Variants in FEZ2 observed in about 807,000 individuals in gnomAD.
The protein encoded by FEZ2 is fasciculation and elongation protein zeta-2.
FEZ2 carries 51 observed loss-of-function variants against 40.4 expected under a neutral mutation model. The observed-to-expected ratio is 1.26, with a 90% CI of 1.01 to 1.59. The LOEUF is 1.59. Ranked by LOEUF, FEZ2 falls within the 40% of genes most tolerant of loss-of-function variation. FEZ2 has a pLI of 0.00. For missense variants in FEZ2, 640 were observed against 438.3 expected, an observed-to-expected ratio of 1.46 and a Z score of -4.11; for synonymous variants, 242 against 172.0, an observed-to-expected ratio of 1.41 and a Z score of -3.18.
intron 3 of FEZ2, among the ~76,000 whole-genome samples, chr2:36,582,483 G>C (rs776781352): frequency 1.3e-5 from 2 of 152,126 alleles, no homozygotes; most frequent in African/African-American, 2.4e-5. Flanking sequence ...TACGGTATTA[G>C]GCAGGTCAGT....
Position 36,596,366 on chromosome 2 carries a change from C to A in FEZ2, c.266+1511G>T, listed in dbSNP as rs1388209721. ...GACAATCAGGCTGGAAACTCCTTTC[C>A]GTGCCCGTGACTCCTGTCCTGTCTC... On this transcript the variant is annotated intron_variant, in intron 1 of 7. Transcript: ENST00000405912. Among the ~76,000 whole-genome samples, 3 of 152,318 alleles carry A rather than the reference C, an allele frequency of 2.0e-5. No individual in the cohort carries two copies. In the South Asian group the frequency reaches 6.2e-4, roughly 32 times the overall value.
chr2:36,556,300 C>T lies in FEZ2; in HGVS notation c.980-552G>A, dbSNP rs929320901. On this transcript the variant is annotated intron_variant, in intron 6 of 7. Transcript: ENST00000405912. Reference sequence around the variant, plus strand: ...ATCTGCCTGGCTGTTGCCTCCTCTGCACTAGGGAGAAACCTGGGAGAATTA... The same window carrying T: ...ATCTGCCTGGCTGTTGCCTCCTCTGTACTAGGGAGAAACCTGGGAGAATTA... The T allele has an allele frequency of 9.5e-5, 17 of 178,030 alleles. No homozygotes were observed. In the South Asian group the frequency reaches 1.2e-3, roughly 12 times the overall value. The allele number at this position is 178,030 out of a possible 1,614,324, so 11.0% of individuals were successfully genotyped here.
chr2:36,592,416 C>G (rs1413333642), intron 1 of FEZ2, among the ~76,000 whole-genome samples: 12 of 152,110 alleles, frequency 7.9e-5, no homozygotes, highest in Non-Finnish European at 1.5e-5. Flanking sequence ...AAAATACAGA[C>G]ATAACATAGT....
intron 6 of FEZ2, chr2:36,557,679 A>G (rs900901051): frequency 1.3e-5 from 2 of 152,168 alleles, no homozygotes; most frequent in Non-Finnish European, 2.9e-5. Context: ...ATTTACTGTG[A>G]GGTAAATAGA....
intron 5 of FEZ2, among the ~76,000 whole-genome samples, chr2:36,575,120 C>G (rs1398550338): frequency 1.3e-5 from 2 of 152,164 alleles, no homozygotes; most frequent in Admixed American, 1.3e-4. Flanking sequence ...TGTTTATTGC[C>G]TTTCTCCGTC....
At chr2:36,555,614 G>A in intron 7 of FEZ2, 69 bp downstream of exon 7, 12 of 773,032 alleles carry the variant, frequency 1.6e-5, no homozygotes, top group Non-Finnish European at 2.5e-5. Context: ...TAATGTATTA[G>A]CAAGGCGATG....
At chr2:36,588,331 TAA>T (rs1214319408) in intron 2 of FEZ2, among the ~76,000 whole-genome samples, 1 of 152,116 alleles carries the variant, frequency 6.6e-6, no homozygotes, top group African/African-American at 2.4e-5. Flanking sequence ...CCCAGCCAGG[TAA>T]GGCTTTTTAA....
chr2:36,590,901 A>AC lies in FEZ2; in HGVS notation c.375+1dup. 1.3e-6 allele frequency: 2 copies of AC among 1,539,788 alleles called. No individual in the cohort carries two copies. The highest frequency in any genetic ancestry group is 1.8e-6 in the Non-Finnish European group (2 of 1,112,456). ...ACACTATTGGTTCAATTCCTAACTTACCCCTTTTTCTGAGAGGTTCAGAGT... is the reference window on the plus strand; with the variant it reads ...ACACTATTGGTTCAATTCCTAACTTACCCCCTTTTTCTGAGAGGTTCAGAGT... On this transcript the variant is annotated splice_donor_variant, in intron 2 of 7. Transcript: ENST00000405912. LOFTEE classifies it high-confidence loss of function.
intron 4 of FEZ2, among the ~76,000 whole-genome samples, chr2:36,580,669 T>C (rs1668710709): frequency 1.3e-5 from 2 of 152,254 alleles, no homozygotes; most frequent in Admixed American, 1.3e-4. Flanking sequence ...AATTACTGAA[T>C]ATCTATTCTA....
intron 1 of FEZ2, among the ~76,000 whole-genome samples, chr2:36,595,307 G>A (rs898288370): frequency 6.6e-6 from 1 of 151,910 alleles, no homozygotes; most frequent in Admixed American, 6.6e-5. Context: ...GAATCAATGG[G>A]AGCCCTGAGC....
Position 36,565,929 on chromosome 2 carries a change from C to T in FEZ2, c.904-7416G>A, listed in dbSNP as rs1351620102. ...AACAACAAATGTTTTCAGACATTGA[C>T]TCATGTCCCATGGGGGGCAAAATTG... On this transcript the variant is annotated intron_variant, in intron 5 of 7. Transcript: ENST00000405912. Among the ~76,000 whole-genome samples the T allele has an allele frequency of 3.3e-5, 5 of 152,168 alleles. 1 individual carries two copies. The South Asian group carries it at 8.3e-4, about 25-fold the overall frequency.
chr2:36,592,109 C>T (rs575397686), intron 1 of FEZ2, among the ~76,000 whole-genome samples: 1 of 152,130 alleles, frequency 6.6e-6, no homozygotes, highest in African/African-American at 2.4e-5. Context: ...ACTAAACATA[C>T]AAGCTACTTA....
intron 5 of FEZ2, among the ~76,000 whole-genome samples, chr2:36,565,661 T>C (rs1249852995): frequency 6.6e-6 from 1 of 152,206 alleles, no homozygotes; most frequent in Non-Finnish European, 1.5e-5. Flanking sequence ...TATGTCCACC[T>C]TGACCACAGA....
intron 5 of FEZ2, among the ~76,000 whole-genome samples, chr2:36,576,395 G>A (rs997681437): frequency 7.9e-5 from 12 of 151,934 alleles, no homozygotes; most frequent in African/African-American, 2.4e-4. Flanking sequence ...TCAGCCTCCC[G>A]AGTAGCTGGG....
rs558603543 is a variant in FEZ2 at position 36,565,475 on chromosome 2, G to C, written c.904-6962C>G. Among the ~76,000 whole-genome samples the C allele has an allele frequency of 1.5e-3, 232 of 152,118 alleles. 1 individual carries two copies. The highest frequency in any genetic ancestry group is 5.2e-3 in the African/African-American group (215 of 41,472). On this transcript the variant is annotated intron_variant, in intron 5 of 7. Transcript: ENST00000405912. ...GAGTTTCTTGCCCCCTCACCTTCTA[G>C]CTTTCACCATAATGAGCAGCCTGCA...
intron 5 of FEZ2, among the ~76,000 whole-genome samples, chr2:36,576,920 A>G (rs1232511944): frequency 6.6e-6 from 1 of 152,202 alleles, no homozygotes; most frequent in Non-Finnish European, 1.5e-5. Flanking sequence ...ACAGCAATAA[A>G]TGGAGGATTT....
chr2:36,554,084 A>T, intron 7 of FEZ2: 1 of 372,822 alleles, frequency 2.7e-6, no homozygotes, highest in Non-Finnish European at 5.5e-6. Flanking sequence ...CCCAGTCCTC[A>T]CAATACAAAG....
intron 1 of FEZ2, among the ~76,000 whole-genome samples, chr2:36,591,852 TGA>T (rs543341109): frequency 1.3e-5 from 2 of 152,252 alleles, no homozygotes; most frequent in South Asian, 4.1e-4. Flanking sequence ...CTTCTATAAA[TGA>T]GAGACCTGGA....
chr2:36,553,499 AAAG>A (rs980461925), intron 7 of FEZ2, among the ~76,000 whole-genome samples: 2 of 152,132 alleles, frequency 1.3e-5, no homozygotes, highest in African/African-American at 4.8e-5. Flanking sequence ...TAGGGAAGTC[AAAG>A]AAGGGTGCAA....
Sources: allele counts gnomAD v4.1 joint callset (sites outside exome capture counted in the v4.1 genomes callset), GRCh38; gene constraint gnomAD v4.1.1; transcripts MANE v1.5; gene names NCBI Gene and HGNC (gene_info 2026-07-23, HGNC 2026-07-21).